The following PCDHGA2 variants were observed in gnomAD, a reference collection of about 807,000 sequenced individuals.
PCDHGA2 encodes protocadherin gamma-A2.
Under a neutral mutation model 59.2 loss-of-function variants are expected in PCDHGA2, and 40 were observed. The observed-to-expected ratio is 0.68, with a 90% CI of 0.52 to 0.88. The LOEUF (loss-of-function observed/expected upper bound fraction) is 0.88. PCDHGA2 is among the 40% of genes least tolerant of loss of function. The pLI, the probability that PCDHGA2 is intolerant of heterozygous loss-of-function variation, is 0.00. For synonymous variants in PCDHGA2, 560 were observed against 526.0 expected, an observed-to-expected ratio of 1.06 and a Z score of -0.89; for missense variants, 1,226 against 1,204.0, an observed-to-expected ratio of 1.02 and a Z score of -0.27.
In PCDHGA2 at chr5:141,431,788, T is replaced by G. The variant is rs775397713; in HGVS notation, c.2425-63019T>G. 1 of 1,614,190 alleles carries G rather than the reference T, an allele frequency of 6.2e-7. No homozygotes were observed. The highest frequency in any genetic ancestry group is 1.1e-5 in the South Asian group (1 of 91,080). ...TCACTGTTCTGGACGTGAACGACAA[T>G]GCCCCAGAAGTGGTCCTCACCTCTC... On this transcript the variant is annotated intron_variant, in intron 1 of 3. Coordinates refer to ENST00000394576, the MANE Select transcript of PCDHGA2 (RefSeq NM_018915.4). The surrounding 1 kb of genome is among the most constrained non-coding windows in gnomAD (Gnocchi z 4.8).
At position 141,346,158 on chromosome 5, in the gene PCDHGA2, A is replaced by T. The variant is rs200127587; in HGVS notation, c.2424+4763A>T. 4.8e-4 allele frequency: 774 copies of T among 1,613,952 alleles called. 3 individuals are homozygous for T. The African/African-American group carries it at 9.3e-3, about 19-fold the overall frequency. On this transcript the variant is annotated intron_variant, in intron 1 of 3. Coordinates refer to ENST00000394576, the MANE Select transcript of PCDHGA2 (RefSeq NM_018915.4). ...CTCCTGCGTCTTCCTGGCCTTCGTC[A>T]TCGTGCTGCTGGCGCTCAGGCTGCG...
At chr5:141,371,254 A>T in intron 1 of PCDHGA2, 1 of 1,614,046 alleles carries the variant, frequency 6.2e-7, no homozygotes, top group Admixed American at 1.7e-5. Context: ...ATTGGCAAGG[A>T]AGTGAGACAA....
intron 1 of PCDHGA2, among the ~76,000 whole-genome samples, chr5:141,492,968 C>T: frequency 6.6e-6 from 1 of 152,240 alleles, no homozygotes; most frequent in East Asian, 1.9e-4. Flanking sequence ...GACACTCTAA[C>T]AAGTCCTGTC....
intron 1 of PCDHGA2, among the ~76,000 whole-genome samples, chr5:141,353,029 A>G (rs1246160441): frequency 6.6e-6 from 1 of 152,122 alleles, no homozygotes; most frequent in Admixed American, 6.5e-5. Context: ...TTTTCTTCTC[A>G]TTGGTGTATA....
chr5:141,498,078 G>A (rs1165770641), intron 2 of PCDHGA2, among the ~76,000 whole-genome samples: 6 of 152,194 alleles, frequency 3.9e-5, no homozygotes, highest in African/African-American at 1.4e-4. Flanking sequence ...ATAAGTGCTA[G>A]GTAGAATTGT....
Position 141,490,888 on chromosome 5 carries a change from C to G in PCDHGA2, c.2425-3919C>G. The G allele has an allele frequency of 1.2e-6, 2 of 1,613,358 alleles. No individual in the cohort carries two copies. The highest frequency in any genetic ancestry group is 1.7e-6 in the Non-Finnish European group (2 of 1,179,390). On this transcript the variant is annotated intron_variant, in intron 1 of 3. Transcript: ENST00000394576. This position sits in a 1 kb window ranked among gnomAD's most constrained non-coding sequence, Gnocchi z 5.4. Reference sequence around the variant, plus strand: ...TCCCCCATTGCATGCCAACACATCTCTGCATGTGTTTGTCCTAGACGAGAA... The same window carrying G: ...TCCCCCATTGCATGCCAACACATCTGTGCATGTGTTTGTCCTAGACGAGAA...
At chr5:141,506,934 G>A (rs187503673) in intron 3 of PCDHGA2, among the ~76,000 whole-genome samples, 54 of 152,232 alleles carry the variant, frequency 3.5e-4, no homozygotes, top group African/African-American at 1.3e-3. Flanking sequence ...AAACTTTAGG[G>A]GCCTCCTGTC....
intron 1 of PCDHGA2, chr5:141,345,496 C>T: frequency 6.2e-7 from 1 of 1,614,182 alleles, no homozygotes; most frequent in Middle Eastern, 1.6e-4. Flanking sequence ...GCCCGCATCA[C>T]TTATGCATTG....
chr5:141,380,586 A>G (rs1776590608), intron 1 of PCDHGA2, among the ~76,000 whole-genome samples: 1 of 152,226 alleles, frequency 6.6e-6, no homozygotes, highest in Non-Finnish European at 1.5e-5. Context: ...GCGGTCTAGT[A>G]AAGATCTTTA....
At chr5:141,355,743 C>A (rs750434737) in intron 1 of PCDHGA2, 2 of 1,613,960 alleles carry the variant, frequency 1.2e-6, no homozygotes, top group East Asian at 2.2e-5. Flanking sequence ...TTTCCCTGGA[C>A]GTGCAAAGTG....
intron 1 of PCDHGA2, chr5:141,378,992 A>G (rs1300045216): frequency 6.6e-6 from 1 of 152,246 alleles, no homozygotes; most frequent in Non-Finnish European, 1.5e-5. Flanking sequence ...ACTACATTAT[A>G]GTCAAGATTT....
intron 2 of PCDHGA2, among the ~76,000 whole-genome samples, chr5:141,497,171 C>T (rs991574648): frequency 6.6e-6 from 1 of 151,148 alleles, no homozygotes; most frequent in African/African-American, 2.5e-5. Context: ...CCACAAATCA[C>T]AGTAAGTTCT....
At chr5:141,462,893 G>A (rs577241413) in intron 1 of PCDHGA2, among the ~76,000 whole-genome samples, 68 of 152,170 alleles carry the variant, frequency 4.5e-4, no homozygotes, top group African/African-American at 1.4e-3. Context: ...AGTTTGTTTT[G>A]GAAGGCTATT....
At chr5:141,475,815 C>T (rs2099373124) in intron 1 of PCDHGA2, 1 of 340,648 alleles carries the variant, frequency 2.9e-6, no homozygotes, top group Non-Finnish European at 5.3e-6. Flanking sequence ...AAGTGAAGTT[C>T]CTGGCGCTAG....
intron 1 of PCDHGA2, chr5:141,352,001 G>T (rs1036324795): frequency 3.1e-6 from 5 of 1,610,532 alleles, no homozygotes; most frequent in African/African-American, 1.3e-5. Context: ...CGCAGAGCCC[G>T]GCTACCTGGT....
At chr5:141,458,567 TTTTGTTTG>T (rs144471304) in intron 1 of PCDHGA2, among the ~76,000 whole-genome samples, 1 of 151,488 alleles carries the variant, frequency 6.6e-6, no homozygotes, top group Non-Finnish European at 1.5e-5. Flanking sequence ...GGTTTTGGGT[TTTTGTTTG>T]TTTGTTTGTT....
rs967436443 is a variant in PCDHGA2 at position 141,400,001 on chromosome 5, C to G, written c.2424+58606C>G. On this transcript the variant is annotated intron_variant, in intron 1 of 3. Transcript: ENST00000394576. ...CTGCGCACAGGAGAGGTGCGCACAG[C>G]GCGTGCCTTGGGCGACAGGGACGCG... 5.0e-6 allele frequency: 8 copies of G among 1,612,262 alleles called. No individual in the cohort carries two copies. In the Admixed American group the frequency reaches 5.0e-5, roughly 10 times the overall value.
chr5:141,464,773 C>G (rs576769467), intron 1 of PCDHGA2, among the ~76,000 whole-genome samples: 79 of 152,106 alleles, frequency 5.2e-4, no homozygotes, highest in African/African-American at 1.9e-3. Context: ...GAATCTTGTT[C>G]TGTTGCCCAG....
chr5:141,448,669 G>A (rs553283446), intron 1 of PCDHGA2, among the ~76,000 whole-genome samples: 13 of 152,136 alleles, frequency 8.5e-5, no homozygotes, highest in African/African-American at 7.2e-5. Flanking sequence ...GGCCGGGCGC[G>A]GTGGCTCACG....
Sources: gnomAD v4.1 joint callset for allele counts (sites outside exome capture counted in the v4.1 genomes callset) on GRCh38, gnomAD v4.1.1 for gene constraint, Gnocchi (gnomAD v3.1) non-coding constraint, MANE v1.5 for transcripts, NCBI Gene and HGNC (gene_info 2026-07-23, HGNC 2026-07-21) for gene names.